Variants in TYW1B observed in about 807,000 individuals in gnomAD.
The protein encoded by TYW1B is tRNA-yW synthesizing protein 1 homolog B, also known as S-adenosyl-L-methionine-dependent tRNA 4-demethylwyosine synthase TYW1B.
Under a neutral mutation model 86.9 loss-of-function variants are expected in TYW1B, and 73 were observed. The observed-to-expected ratio is 0.84, with a 90% CI of 0.70 to 1.02. TYW1B has a LOEUF of 1.02. Ranked by LOEUF, TYW1B falls within the 50% of genes least tolerant of loss-of-function variation. TYW1B has a pLI of 0.00. For missense variants in TYW1B, 637 were observed against 827.4 expected (o/e 0.77, Z 2.82); for synonymous variants, 248 against 292.8 (o/e 0.85, Z 1.56).
chr7:72,729,445 G>A (rs1348558887), intron 8 of TYW1B, among the ~76,000 whole-genome samples: 2 of 152,098 alleles, frequency 1.3e-5, no homozygotes, highest in Non-Finnish European at 2.9e-5. Flanking sequence ...ACCACTGCTA[G>A]AGTGTATCCT....
chr7:72,696,940 A>C (rs1814333849), intron 10 of TYW1B, among the ~76,000 whole-genome samples: 1 of 151,894 alleles, frequency 6.6e-6, no homozygotes, highest in Non-Finnish European at 1.5e-5. Context: ...AAACAAAAGC[A>C]TCAGTAATAA....
At chr7:72,818,071 G>C (rs1788757913) in intron 2 of TYW1B, among the ~76,000 whole-genome samples, 1 of 148,590 alleles carries the variant, frequency 6.7e-6, no homozygotes, top group Non-Finnish European at 1.5e-5. Flanking sequence ...TTCATAGCTG[G>C]CTGTTAAAAA....
chr7:72,744,708 ACTC>A (rs1182720498), intron 7 of TYW1B, 107 bp from the exon 8 acceptor site: 2 of 1,232,068 alleles, frequency 1.6e-6, no homozygotes, highest in African/African-American at 3.0e-5. Context: ...AACCATGAAT[ACTC>A]CTACTAGTAT....
chr7:72,590,890 A>C (rs1291549218), intron 13 of TYW1B, among the ~76,000 whole-genome samples: 2 of 152,214 alleles, frequency 1.3e-5, no homozygotes, highest in African/African-American at 4.8e-5. Context: ...CTAGAAACAG[A>C]CTTTAAAACA....
intron 11 of TYW1B, among the ~76,000 whole-genome samples, chr7:72,666,904 C>T (rs1411016638): frequency 6.6e-6 from 1 of 151,256 alleles, no homozygotes; most frequent in Admixed American, 6.6e-5. Context: ...TGGTGGCAGG[C>T]GCCTGTAGTC....
intron 8 of TYW1B, among the ~76,000 whole-genome samples, chr7:72,737,317 C>T (rs1319554021): frequency 2.0e-5 from 3 of 152,168 alleles, no homozygotes; most frequent in Admixed American, 2.0e-4. Context: ...TTACCAGAAG[C>T]CATGGTAAAT....
chr7:72,631,717 G>A (rs1387528713), intron 11 of TYW1B, among the ~76,000 whole-genome samples: 8 of 152,044 alleles, frequency 5.3e-5, no homozygotes, highest in Non-Finnish European at 1.0e-4. Flanking sequence ...AACTAAAAAT[G>A]AGATTAGGCC....
At chr7:72,721,320 A>G (rs1563071784) in intron 9 of TYW1B, among the ~76,000 whole-genome samples, 2 of 152,190 alleles carry the variant, frequency 1.3e-5, no homozygotes, top group Non-Finnish European at 2.9e-5. Context: ...AGGAATCACT[A>G]CACTGTCTTC....
intron 12 of TYW1B, among the ~76,000 whole-genome samples, chr7:72,625,891 TGGGGC>T (rs1366270331): frequency 3.1e-5 from 1 of 31,764 alleles, no homozygotes; most frequent in Non-Finnish European, 5.3e-5. Context: ...GGGGGAGAGG[TGGGGC>T]GGGGGGGGGG....
At chr7:72,733,354 A>G (rs2129571131) in intron 8 of TYW1B, among the ~76,000 whole-genome samples, 1 of 152,312 alleles carries the variant, frequency 6.6e-6, no homozygotes, top group Non-Finnish European at 1.5e-5. Flanking sequence ...AATATCCCCG[A>G]TGAACAAAGG....
rs782393455 is a variant in TYW1B at position 72,807,080 on chromosome 7, G to A, written c.709C>T (p.His237Tyr). The A allele has an allele frequency of 1.9e-6, 3 of 1,613,940 alleles. No homozygotes were observed. The South Asian group carries it at 3.3e-5, about 18-fold the overall frequency. ...AGGCGGTATACCTTGGTGTCTCTGT[G>A]ATGCAATTCGTCCTGCTCTTGAGAT... is the stretch of plus-strand genomic sequence containing the variant. ...EGSQEQDELH[H>Y]RDTKEEEPFE... is the part of the protein sequence containing the mutation. The change falls in exon 5 of 14, where the codon CAC (histidine) becomes TAC (tyrosine). Residue 237 changes from histidine (H) to tyrosine (Y), a missense_variant. By Grantham distance (83) the His-to-Tyr change is moderately conservative (BLOSUM62 2). Coordinates refer to ENST00000620995, the MANE Select transcript of TYW1B (RefSeq NM_001145440.3).
intron 13 of TYW1B, among the ~76,000 whole-genome samples, chr7:72,615,475 C>A (rs1812049354): frequency 6.6e-6 from 1 of 152,282 alleles, no homozygotes. Context: ...CAGAAGAGAT[C>A]TTCTGATCCT....
intron 9 of TYW1B, among the ~76,000 whole-genome samples, chr7:72,718,629 G>A: frequency 6.6e-6 from 1 of 152,094 alleles, no homozygotes. Context: ...TTGGATGGAT[G>A]AATAATTTTT....
intron 11 of TYW1B, among the ~76,000 whole-genome samples, chr7:72,680,024 G>C (rs1249105031): frequency 6.6e-6 from 1 of 152,194 alleles, no homozygotes; most frequent in Non-Finnish European, 1.5e-5. Flanking sequence ...AGCTACTTGG[G>C]AGGCTGAAGT....
chr7:72,578,986 T>C (rs1243371115), intron 13 of TYW1B, among the ~76,000 whole-genome samples: 1 of 152,180 alleles, frequency 6.6e-6, no homozygotes, highest in African/African-American at 2.4e-5. Flanking sequence ...AACTCTAACA[T>C]AATTATTTGC....
chr7:72,781,616 G>A (rs1250528796), intron 6 of TYW1B, among the ~76,000 whole-genome samples: 1 of 152,112 alleles, frequency 6.6e-6, no homozygotes, highest in African/African-American at 2.4e-5. Flanking sequence ...AACAGTTCTA[G>A]GGTTTCATTT....
chr7:72,807,050 C>T lies in TYW1B; in HGVS notation c.723+16G>A. On this transcript the variant is annotated intron_variant, in intron 5 of 13. Coordinates refer to ENST00000620995, the MANE Select transcript of TYW1B (RefSeq NM_001145440.3). ...GAGGGGGAAAGCATCAAGAGATGAA[C>T]ACACAGGCGGTATACCTTGGTGTCT... The T allele has an allele frequency of 6.2e-7, 1 of 1,607,880 alleles. No individual in the cohort carries two copies. The highest frequency in any genetic ancestry group is 8.5e-7 in the Non-Finnish European group (1 of 1,175,260).
chr7:72,683,381 C>T (rs1813925266), intron 11 of TYW1B, among the ~76,000 whole-genome samples: 1 of 152,096 alleles, frequency 6.6e-6, no homozygotes, highest in Non-Finnish European at 1.5e-5. Context: ...ACTAGCCTGC[C>T]CAACATGGTA....
At chr7:72,710,325 T>A (rs1422404435) in intron 10 of TYW1B, among the ~76,000 whole-genome samples, 1 of 152,148 alleles carries the variant, frequency 6.6e-6, no homozygotes, top group Non-Finnish European at 1.5e-5. Context: ...ATGTGAAAAT[T>A]CAGGAATTTA....
Sources: allele counts gnomAD v4.1 joint callset (sites outside exome capture counted in the v4.1 genomes callset), GRCh38; gene constraint gnomAD v4.1.1; transcripts MANE v1.5; gene names NCBI Gene and HGNC (gene_info 2026-07-23, HGNC 2026-07-21).